GABRB3: variants seen among roughly 807,000 people sequenced by gnomAD.
GABRB3 encodes gamma-aminobutyric acid receptor subunit beta-3.
A neutral mutation model predicts 52.1 loss-of-function variants in GABRB3; 14 were observed. That is an observed-to-expected ratio of 0.27 (90% confidence interval 0.18 to 0.42). The LOEUF is 0.42. Ranked by LOEUF, GABRB3 falls within the 10% of genes least tolerant of loss-of-function variation. GABRB3 has a pLI of 1.00. For synonymous variants in GABRB3, 260 were observed against 232.3 expected (o/e 1.12, Z -1.08); for missense variants, 307 against 609.1 (o/e 0.50, Z 5.22).
At chr15:26,615,202 G>A in intron 4 of GABRB3, 1 of 828,776 alleles carries the variant, frequency 1.2e-6, no homozygotes, top group Non-Finnish European at 1.5e-6. Context: ...AAAGAAAACA[G>A]AAAAGCTGTG....
chr15:26,633,513 C>T (rs560917702), intron 3 of GABRB3, among the ~76,000 whole-genome samples: 61 of 152,310 alleles, frequency 4.0e-4, no homozygotes, highest in Non-Finnish European at 8.2e-4. Flanking sequence ...CCTGAATTGA[C>T]TCTCCCTTAG....
chr15:26,752,464 C>T (rs975800747), intron 3 of GABRB3, among the ~76,000 whole-genome samples: 6 of 151,860 alleles, frequency 4.0e-5, no homozygotes, highest in African/African-American at 9.7e-5. Flanking sequence ...GGGGTTTCAC[C>T]GTGTTAGCCA....
At chr15:26,768,214 G>A (rs537435390) in intron 3 of GABRB3, among the ~76,000 whole-genome samples, 143 of 152,152 alleles carry the variant, frequency 9.4e-4, no homozygotes, top group African/African-American at 3.3e-3. Flanking sequence ...AAGTCCTGTA[G>A]TTACACTTTC....
At position 26,586,143 on chromosome 15, in the gene GABRB3, C is replaced by T. The variant is rs1177205078; in HGVS notation, c.462-2729G>A. On this transcript the variant is annotated intron_variant, in intron 4 of 8. Coordinates refer to ENST00000311550, the MANE Select transcript of GABRB3 (RefSeq NM_000814.6). The stretch of plus-strand genomic sequence containing the variant: ...CCTCCCAAGTAGATGGGACTACAGG[C>T]GCCTGCCACCACGCCCAGCTAATTT... Among the ~76,000 whole-genome samples, 5 of 151,990 alleles carry T rather than the reference C, an allele frequency of 3.3e-5. No individual in the cohort carries two copies. In the East Asian group the frequency reaches 5.9e-4, roughly 18 times the overall value.
chr15:26,574,656 A>G (rs561894602), intron 6 of GABRB3, among the ~76,000 whole-genome samples: 5 of 152,156 alleles, frequency 3.3e-5, no homozygotes, highest in Non-Finnish European at 7.3e-5. Context: ...AGACCACACA[A>G]ATGATTCCAC....
chr15:26,726,888 C>T (rs139018970), intron 3 of GABRB3, among the ~76,000 whole-genome samples: 7 of 152,228 alleles, frequency 4.6e-5, no homozygotes, highest in Non-Finnish European at 1.0e-4. Flanking sequence ...CACCCAGGAG[C>T]GGTGGCTCAC....
At chr15:26,667,030 G>A (rs1318377896) in intron 3 of GABRB3, among the ~76,000 whole-genome samples, 1 of 152,144 alleles carries the variant, frequency 6.6e-6, no homozygotes, top group Non-Finnish European at 1.5e-5. Flanking sequence ...CCAATTGCAG[G>A]GGTTAGGTGC....
chr15:26,717,633 T>C (rs570125350), intron 3 of GABRB3, among the ~76,000 whole-genome samples: 204 of 152,290 alleles, frequency 1.3e-3, no homozygotes, highest in African/African-American at 4.4e-3. Flanking sequence ...GATAATTGGA[T>C]GGAATCTCTC....
Position 26,621,225 on chromosome 15 carries a change from T to C in GABRB3, c.461+89A>G. On this transcript the variant is annotated intron_variant, in intron 4 of 8. Coordinates refer to ENST00000311550, the MANE Select transcript of GABRB3 (RefSeq NM_000814.6). The surrounding 1 kb of genome is among the most constrained non-coding windows in gnomAD (Gnocchi z 4.1). ...TGCTTCCTAATTTATCTGAGGTCAT[T>C]GCCTCACTTACAATAATCATCTCAA... is the stretch of plus-strand genomic sequence containing the variant. The C allele has an allele frequency of 9.8e-7, 1 of 1,022,464 alleles. No individual in the cohort carries two copies. The highest frequency in any genetic ancestry group is 1.3e-5 in the South Asian group (1 of 78,964). The allele number at this position is 1,022,464 out of a possible 1,614,324, so 63.3% of individuals were successfully genotyped here.
chr15:26,678,608 G>A (rs1168715267), intron 3 of GABRB3, among the ~76,000 whole-genome samples: 1 of 152,138 alleles, frequency 6.6e-6, no homozygotes, highest in African/African-American at 2.4e-5. Context: ...GAGATACAGA[G>A]AGGAAGAAAA....
At chr15:26,608,204 T>C (rs1248555656) in intron 4 of GABRB3, among the ~76,000 whole-genome samples, 1 of 151,544 alleles carries the variant, frequency 6.6e-6, no homozygotes, top group Non-Finnish European at 1.5e-5. Flanking sequence ...GAATATGCAA[T>C]GGGAAAAGAA....
intron 8 of GABRB3, 78 bp downstream of exon 8, chr15:26,560,853 CA>C (rs1889953733): frequency 1.2e-6 from 2 of 1,600,204 alleles, no homozygotes; most frequent in Non-Finnish European, 1.7e-6. Flanking sequence ...GGGGAAAAAA[CA>C]AAGAAATATC....
intron 3 of GABRB3, among the ~76,000 whole-genome samples, chr15:26,667,493 G>A (rs1016860369): frequency 3.3e-5 from 5 of 152,304 alleles, no homozygotes; most frequent in East Asian, 1.9e-4. Context: ...CTCCAAAGGC[G>A]GGGTGCTAGC....
chr15:26,634,281 T>A (rs1371819934), intron 3 of GABRB3, among the ~76,000 whole-genome samples: 1 of 152,082 alleles, frequency 6.6e-6, no homozygotes, highest in Non-Finnish European at 1.5e-5. Flanking sequence ...CAACCCAAGA[T>A]CATCATGTCC....
At chr15:26,754,996 C>G (rs1053070662) in intron 3 of GABRB3, among the ~76,000 whole-genome samples, 1 of 141,756 alleles carries the variant, frequency 7.1e-6, no homozygotes, top group Non-Finnish European at 1.5e-5. Context: ...TGGTTAGAGC[C>G]TCTAACAACT....
At chr15:26,613,447 A>T (rs1892147579) in intron 4 of GABRB3, 1 of 151,878 alleles carries the variant, frequency 6.6e-6, no homozygotes, top group Admixed American at 6.6e-5. Context: ...AAAAGAAAGA[A>T]GGAAGGAAGG....
intron 3 of GABRB3, among the ~76,000 whole-genome samples, chr15:26,737,956 A>T (rs2140157320): frequency 6.6e-6 from 1 of 152,310 alleles, no homozygotes; most frequent in Admixed American, 6.5e-5. Context: ...ATGGGGCACG[A>T]GTCCTTGTCT....
At chr15:26,565,894 CTTTGTA>C (rs1434309629) in intron 7 of GABRB3, among the ~76,000 whole-genome samples, 3 of 152,104 alleles carry the variant, frequency 2.0e-5, no homozygotes, top group Non-Finnish European at 4.4e-5. Flanking sequence ...GTCCCAGCAA[CTTTGTA>C]TTTGTATATT....
chr15:26,582,212 C>A (rs567540928), intron 5 of GABRB3, among the ~76,000 whole-genome samples: 2 of 152,182 alleles, frequency 1.3e-5, no homozygotes, highest in African/African-American at 4.8e-5. Flanking sequence ...TACACCACAG[C>A]GGCAGAGTCC....
Sources: allele counts gnomAD v4.1 joint callset (sites outside exome capture counted in the v4.1 genomes callset), GRCh38; gene constraint gnomAD v4.1.1; non-coding constraint Gnocchi (gnomAD v3.1); transcripts MANE v1.5; gene names NCBI Gene and HGNC (gene_info 2026-07-23, HGNC 2026-07-21).